The following NTS variants were observed in gnomAD, a reference collection of about 807,000 sequenced individuals.
The protein encoded by NTS is neurotensin.
A neutral mutation model predicts 19.5 loss-of-function variants in NTS; 20 were observed. The ratio of observed to expected loss-of-function variants is 1.02; its 90% CI spans 0.72 to 1.49. NTS has a LOEUF of 1.49. Ranked by LOEUF, NTS falls within the 40% of genes most tolerant of loss-of-function variation. The pLI, the probability that NTS is intolerant of heterozygous loss-of-function variation, is 0.00. For synonymous variants in NTS, 71 were observed against 63.3 expected, an observed-to-expected ratio of 1.12 and a Z score of -0.58; for missense variants, 215 against 193.1, an observed-to-expected ratio of 1.11 and a Z score of -0.67.
chr12:85,880,595 A>G (rs1288725162), intron 3 of NTS, among the ~76,000 whole-genome samples: 4 of 152,190 alleles, frequency 2.6e-5, no homozygotes, highest in African/African-American at 7.2e-5. Context: ...AAAAAACTGA[A>G]AAGACCAGTT....
chr12:85,875,836 T>C (rs1881328862), intron 1 of NTS, among the ~76,000 whole-genome samples: 1 of 152,030 alleles, frequency 6.6e-6, no homozygotes, highest in Admixed American at 6.6e-5. Flanking sequence ...GGTTCTCCAA[T>C]TGTGGCATTT....
intron 1 of NTS, among the ~76,000 whole-genome samples, chr12:85,875,491 G>A (rs1167502386): frequency 6.6e-6 from 1 of 151,948 alleles, no homozygotes; most frequent in Non-Finnish European, 1.5e-5. Flanking sequence ...AGATATAAAT[G>A]TGATTTATAC....
intron 3 of NTS, among the ~76,000 whole-genome samples, chr12:85,879,545 T>A (rs187953785): frequency 1.3e-4 from 4 of 29,790 alleles, no homozygotes; most frequent in Non-Finnish European, 2.1e-4. Flanking sequence ...AATATATTTT[T>A]TGTATATTTT....
Position 85,878,553 on chromosome 12 carries a change from CT to C in NTS, c.348del (p.Gln117AsnfsTer5), listed in dbSNP as rs1565770371. 9.9e-6 allele frequency: 16 copies of C among 1,608,702 alleles called. No individual in the cohort carries two copies. The highest frequency in any genetic ancestry group is 1.3e-5 in the African/African-American group (1 of 74,904). Reference sequence around the variant, plus strand: ...CTCCACAAAATCTGTCACAGCAGGGCTTTTCAACACTGGGAGGTATAGCAAT... The same window carrying C: ...CTCCACAAAATCTGTCACAGCAGGGCTTTCAACACTGGGAGGTATAGCAAT... The part of the protein sequence containing the change: ...YQLHKICHSR[A>X]FQHWELIQED... On this transcript the variant is annotated frameshift_variant, in exon 3 of 4. Transcript: ENST00000256010. LOFTEE classifies it high-confidence loss of function.
chr12:85,878,135 G>T, intron 2 of NTS: 1 of 440,532 alleles, frequency 2.3e-6, no homozygotes. Context: ...ATGTATATGT[G>T]AATATAACTA....
At chr12:85,874,773 A>G (rs1227101729) in intron 1 of NTS, among the ~76,000 whole-genome samples, 1 of 152,184 alleles carries the variant, frequency 6.6e-6, no homozygotes, top group Non-Finnish European at 1.5e-5. Flanking sequence ...AATTAGGCTG[A>G]TCATTATCTA....
chr12:85,880,505 C>A (rs1417620005), intron 3 of NTS, among the ~76,000 whole-genome samples: 3 of 151,122 alleles, frequency 2.0e-5, no homozygotes, highest in Non-Finnish European at 4.4e-5. Flanking sequence ...TACCAAAGAG[C>A]TACCCTGTGG....
At chr12:85,874,888 G>C (rs924812640) in intron 1 of NTS, among the ~76,000 whole-genome samples, 2 of 152,084 alleles carry the variant, frequency 1.3e-5, no homozygotes, top group African/African-American at 4.8e-5. Flanking sequence ...TTAGGAAGCG[G>C]TGGCCCTCAC....
Position 85,882,343 on chromosome 12 carries a change from T to C in NTS, c.481T>C (p.Tyr161His). ...GTATGAGAATAAACCCAGAAGACCC[T>C]ACATACTCAAAAGAGATTCTTACTA... ...QLYENKPRRP[Y>H]ILKRDSYYY Residue 161 changes from tyrosine to histidine, a missense_variant, in exon 4 of 4, where the codon TAC becomes CAC. Coordinates refer to ENST00000256010, the MANE Select transcript of NTS (RefSeq NM_006183.5). 6.3e-7 allele frequency: 1 copy of C among 1,590,466 alleles called. No individual in the cohort carries two copies.
At chr12:85,879,788 T>C (rs895477122) in intron 3 of NTS, among the ~76,000 whole-genome samples, 6 of 137,390 alleles carry the variant, frequency 4.4e-5, no homozygotes, top group African/African-American at 1.3e-4. Context: ...ATTTTTTGTA[T>C]ATTTTTGTAT....
intron 1 of NTS, 47 bp from the exon 2 acceptor site, chr12:85,876,593 A>G: frequency 8.9e-7 from 1 of 1,125,730 alleles, no homozygotes; most frequent in Non-Finnish European, 1.3e-6. Context: ...TTATGATATA[A>G]TTATATGATA....
intron 3 of NTS, among the ~76,000 whole-genome samples, chr12:85,881,953 T>A (rs758660305): frequency 9.2e-5 from 14 of 152,042 alleles, no homozygotes; most frequent in Non-Finnish European, 1.3e-4. Context: ...ATATAGTTAG[T>A]AAAGTTTATA....
At chr12:85,881,576 T>C (rs1273504895) in intron 3 of NTS, among the ~76,000 whole-genome samples, 1 of 152,180 alleles carries the variant, frequency 6.6e-6, no homozygotes, top group East Asian at 1.9e-4. Context: ...CCTTAAGTTA[T>C]TGAATCTGAG....
chr12:85,874,432 T>C lies in NTS; in HGVS notation c.29T>C (p.Val10Ala). Residue 10 changes from valine to alanine, a missense_variant, in exon 1 of 4, where the codon GTA becomes GCA. Physicochemically the swap from Val to Ala is moderately conservative, Grantham distance 64. Transcript: ENST00000256010. The part of the protein sequence containing the change: MMAGMKIQL[V>A]CMLLLAFSSW... Reference sequence around the variant, plus strand: ...ATGGCAGGAATGAAAATCCAGCTTGTATGCATGCTACTCCTGGCTTTCAGC... The same window carrying C: ...ATGGCAGGAATGAAAATCCAGCTTGCATGCATGCTACTCCTGGCTTTCAGC... The C allele has an allele frequency of 6.2e-7, 1 of 1,613,612 alleles. No individual in the cohort carries two copies. The highest frequency in any genetic ancestry group is 1.1e-5 in the South Asian group (1 of 91,066).
chr12:85,877,467 T>C (rs1174074631), intron 2 of NTS, among the ~76,000 whole-genome samples: 2 of 151,456 alleles, frequency 1.3e-5, no homozygotes, highest in Admixed American at 6.6e-5. Flanking sequence ...ACTCCTCTAT[T>C]GGGGTCTTGA....
chr12:85,876,986 C>T (rs1881360661), intron 2 of NTS, among the ~76,000 whole-genome samples: 1 of 151,958 alleles, frequency 6.6e-6, no homozygotes, highest in African/African-American at 2.4e-5. Context: ...GCTTCCATGC[C>T]TTTTACATTG....
intron 3 of NTS, among the ~76,000 whole-genome samples, chr12:85,881,616 A>G (rs1007450091): frequency 6.6e-6 from 1 of 152,146 alleles, no homozygotes; most frequent in Non-Finnish European, 1.5e-5. Context: ...ACCAGCATCT[A>G]AAGAGATCGT....
chr12:85,882,346 A>G lies in NTS; in HGVS notation c.484A>G (p.Ile162Val), dbSNP rs761711852. 1.3e-6 allele frequency: 2 copies of G among 1,591,112 alleles called. No individual in the cohort carries two copies. Among genetic ancestry groups the G allele is most frequent in the East Asian group, 2.2e-5 (1 of 44,476 alleles). ...LYENKPRRPYILKRDSYYY is the reference protein window; with the variant it reads ...LYENKPRRPYVLKRDSYYY ...TGAGAATAAACCCAGAAGACCCTAC[A>G]TACTCAAAAGAGATTCTTACTATTA... Residue 162 changes from isoleucine to valine, a missense_variant, in exon 4 of 4, where the codon ATA becomes GTA. Physicochemically the swap from Ile to Val is conservative, Grantham distance 29 (BLOSUM62 3). Coordinates refer to ENST00000256010, the MANE Select transcript of NTS (RefSeq NM_006183.5).
intron 3 of NTS, among the ~76,000 whole-genome samples, chr12:85,879,020 GCAAATA>G (rs1881411583): frequency 1.4e-5 from 2 of 147,504 alleles, no homozygotes; most frequent in Non-Finnish European, 3.0e-5. Context: ...AATATATTAG[GCAAATA>G]AAAATATATT....
Sources: allele counts gnomAD v4.1 joint callset (sites outside exome capture counted in the v4.1 genomes callset), GRCh38; gene constraint gnomAD v4.1.1; transcripts MANE v1.5; gene names NCBI Gene and HGNC (gene_info 2026-07-23, HGNC 2026-07-21).